Variants in SEC16A observed in about 807,000 individuals in gnomAD.
SEC16A encodes protein transport protein Sec16A.
In SEC16A, 110 loss-of-function variants were observed where a neutral mutation model predicts 221.9. That is an observed-to-expected ratio of 0.50 (90% CI 0.42 to 0.58). The LOEUF (loss-of-function observed/expected upper bound fraction) is 0.58, where lower values mean the gene tolerates loss of function less well. SEC16A is among the 20% of genes least tolerant of loss of function. SEC16A has a pLI of 0.00. For synonymous variants in SEC16A, 1,393 were observed against 1,257.7 expected (o/e 1.11, Z -2.28); for missense variants, 3,165 against 3,097.8 (o/e 1.02, Z -0.52).
At chr9:136,483,837 A>C (rs867288027), upstream of SEC16A, 1 of 979,248 alleles carries the variant, frequency 1.0e-6, no homozygotes, top group African/African-American at 1.7e-5. Flanking sequence ...GAGCTGCGGG[A>C]CGCGGAGGGC....
upstream of SEC16A, chr9:136,484,519 C>T (rs1000051242): frequency 1.6e-6 from 2 of 1,268,016 alleles, no homozygotes; most frequent in Admixed American, 5.0e-5. Context: ...CTCTGCTGCT[C>T]CTTCCAGAGG....
At chr9:136,482,066 C>A (rs1260789596) in intron 1 of SEC16A, among the ~76,000 whole-genome samples, 1 of 152,162 alleles carries the variant, frequency 6.6e-6, no homozygotes, top group Admixed American at 6.5e-5. Flanking sequence ...CTGTAGTAAC[C>A]ACTATTAACA....
Position 136,483,006 on chromosome 9 carries a change from G to C in SEC16A, c.-260C>G, listed in dbSNP as rs1437785167. On this transcript the variant is annotated 5_prime_UTR_variant, in exon 1 of 32. Coordinates refer to ENST00000684901, the MANE Select transcript of SEC16A (RefSeq NM_014866.2). ...CCACCCGACGCTGGCGACGAGCACA[G>C]ACACCTCAGCCGCCGCAGCCATCTT... The C allele has an allele frequency of 1.0e-6, 1 of 985,306 alleles. No homozygotes were observed. The highest frequency in any genetic ancestry group is 1.2e-6 in the Non-Finnish European group (1 of 829,884). 61.0% of individuals were successfully genotyped at this position (985,306 alleles called of 1,614,324 possible). A position where few individuals can be genotyped will look rare whatever the true frequency, so the allele number is the denominator to read the frequency against.
chr9:136,464,439 AC>A lies in SEC16A; in HGVS notation c.4426del (p.Val1476TrpfsTer45). ...NLPSEGQPAL[V>X]EVHSMEALLQ... Reference sequence around the variant, plus strand: ...CATTACCTCCATGCTGTGGACCTCCACCAAGGCCGGCTGTCCTTCTGAAGGC... The same window carrying A: ...CATTACCTCCATGCTGTGGACCTCCACAAGGCCGGCTGTCCTTCTGAAGGC... On this transcript the variant is annotated frameshift_variant, in exon 9 of 32. Transcript: ENST00000684901. LOFTEE classifies it high-confidence loss of function. The A allele has an allele frequency of 1.2e-6, 2 of 1,611,450 alleles. No individual in the cohort carries two copies. The highest frequency in any genetic ancestry group is 1.7e-6 in the Non-Finnish European group (2 of 1,177,724).
rs767436508 is a variant in SEC16A, at chr9:136,475,110, T to C, written c.2506A>G (p.Ser836Gly). ...TTAATGGGCTGAGCCAGATTATAGCTGTGATCAGGCTGAGCAATCAAGACT... is the reference window on the plus strand; with the variant it reads ...TTAATGGGCTGAGCCAGATTATAGCCGTGATCAGGCTGAGCAATCAAGACT... ...PPVLIAQPDH[S>G]YNLAQPINFS... is the part of the protein sequence containing the mutation. The change falls in exon 3 of 32, where the codon AGC (serine) becomes GGC (glycine). Residue 836 changes from serine (S) to glycine (G), a missense_variant. Around this residue, in one of 3 missense-constraint regions of SEC16A, gnomAD observed 2,030 missense variants for 1,923.1 expected, o/e 1.06. Transcript: ENST00000684901. This position sits in a 1 kb window ranked among gnomAD's most constrained non-coding sequence, Gnocchi z 5.0. 61 of 1,613,782 alleles carry C rather than the reference T, an allele frequency of 3.8e-5. No individual in the cohort carries two copies. In the Middle Eastern group the frequency reaches 8.2e-4, roughly 22 times the overall value.
At chr9:136,456,248 G>T in intron 18 of SEC16A, 82 bp from the exon 19 acceptor site, 2 of 994,138 alleles carry the variant, frequency 2.0e-6, no homozygotes, top group Non-Finnish European at 3.2e-6. Flanking sequence ...GGGCAATGCA[G>T]CTTCAGTGTT....
chr9:136,447,484 C>T lies in SEC16A; in HGVS notation c.6559+85G>A. ...AGGGACGTGCGGGAAGCCACCTCCT[C>T]CCCACGCACAACAGCTACACATTGG... is the stretch of plus-strand genomic sequence containing the variant. On this transcript the variant is annotated intron_variant, in intron 26 of 31. Transcript: ENST00000684901. This position sits in a 1 kb window ranked among gnomAD's most constrained non-coding sequence, Gnocchi z 5.5. 6.5e-7 allele frequency: 1 copy of T among 1,537,164 alleles called. No individual in the cohort carries two copies. The highest frequency in any genetic ancestry group is 8.9e-7 in the Non-Finnish European group (1 of 1,121,728).
chr9:136,479,103 T>C (rs1374610400), intron 1 of SEC16A, among the ~76,000 whole-genome samples: 2 of 152,136 alleles, frequency 1.3e-5, no homozygotes, highest in East Asian at 1.9e-4. Flanking sequence ...ACAGGCAGAA[T>C]TGCCAAGAAA....
intron 1 of SEC16A, among the ~76,000 whole-genome samples, chr9:136,481,407 G>A (rs1444193757): frequency 1.3e-5 from 2 of 152,094 alleles, no homozygotes; most frequent in Admixed American, 1.3e-4. Context: ...CAGAGTGCTG[G>A]GATTACAGGC....
intron 4 of SEC16A, among the ~76,000 whole-genome samples, chr9:136,470,172 A>G (rs1840672779): frequency 6.6e-6 from 1 of 152,242 alleles, no homozygotes; most frequent in Admixed American, 6.5e-5. Flanking sequence ...GAAGGAGCAG[A>G]AAGGATTCCC....
chr9:136,471,023 C>T (rs571341277), intron 4 of SEC16A, among the ~76,000 whole-genome samples: 1 of 152,218 alleles, frequency 6.6e-6, no homozygotes, highest in Non-Finnish European at 1.5e-5. Flanking sequence ...CAACAACAGC[C>T]TCCTCTGCTC....
At chr9:136,458,366 C>T (rs146568308) in intron 17 of SEC16A, among the ~76,000 whole-genome samples, 1,597 of 152,238 alleles carry the variant, frequency 0.01, 22 homozygotes, top group African/African-American at 0.035. Flanking sequence ...CGGTGGCTCA[C>T]GCCTGTCATC....
Position 136,441,716 on chromosome 9 carries a change from G to A in SEC16A, c.*39C>T, listed in dbSNP as rs758959068. The A allele has an allele frequency of 1.3e-6, 2 of 1,594,242 alleles. No individual in the cohort carries two copies. Among genetic ancestry groups the A allele is most frequent in the Admixed American group, 1.7e-5 (1 of 59,974 alleles). On this transcript the variant is annotated 3_prime_UTR_variant, in exon 32 of 32. Transcript: ENST00000684901. ...GTCGGGTTCTTCGGGGAGAACAGCA[G>A]CGTCAGGGCTCCAAGTGCAAGTTCA...
At position 136,441,789 on chromosome 9, in the gene SEC16A, C is replaced by T; in HGVS notation, c.7040G>A (p.Arg2347Lys). ...CACCAGGTGCTTCCTCTGGCCAATCCTCCCTAGCCTTGAGCTCCCGGAGGT... is the reference window on the plus strand; with the variant it reads ...CACCAGGTGCTTCCTCTGGCCAATCTTCCCTAGCCTTGAGCTCCCGGAGGT... ...CATSGSSRLGRIGQRKHLVLN is the reference protein window; with the variant it reads ...CATSGSSRLGKIGQRKHLVLN The change falls in exon 32 of 32, where the codon AGG (arginine) becomes AAG (lysine). Residue 2347 changes from arginine (R) to lysine (K), a missense_variant. Arg to Lys is a conservative substitution (Grantham distance 26, BLOSUM62 2). This residue lies in a region of SEC16A where 1,088 missense variants were observed against 1,089.6 expected (regional missense o/e 1.00). Coordinates refer to ENST00000684901, the MANE Select transcript of SEC16A (RefSeq NM_014866.2). 1 of 1,613,434 alleles carries T rather than the reference C, an allele frequency of 6.2e-7. No homozygotes were observed. Among genetic ancestry groups the T allele is most frequent in the Non-Finnish European group, 8.5e-7 (1 of 1,179,838 alleles).
chr9:136,445,618 G>A lies in SEC16A; in HGVS notation c.6867+27C>T, dbSNP rs775893444. 5 of 1,527,764 alleles carry A rather than the reference G, an allele frequency of 3.3e-6. No individual in the cohort carries two copies. The East Asian group carries it at 7.4e-5, about 22-fold the overall frequency. 94.6% of individuals were successfully genotyped at this position (1,527,764 alleles called of 1,614,324 possible). On this transcript the variant is annotated intron_variant, in intron 29 of 31. Transcript: ENST00000684901. ...AGCTGCTGGGGAGGCCTGGGCTGCG[G>A]GGGGCCCTGGCGTCGGCACTCCTTA...
Position 136,471,993 on chromosome 9 carries a change from G to C in SEC16A, c.3686C>G (p.Ser1229Trp), listed in dbSNP as rs373370709. The part of the protein sequence containing the change: ...ERPSSRASHS[S>W]ERPPPRQGYP... ...GCCGCACCTGGGAGGTGGCCGTTCC[G>C]AGGAGTGGCTGGCTCGGGAGCTGGG... The change falls in exon 4 of 32, where the codon TCG becomes TGG. Residue 1229 changes from serine to tryptophan, a missense_variant. Physicochemically the swap from Ser to Trp is radical, Grantham distance 177. Transcript: ENST00000684901. 1 of 1,612,308 alleles carries C rather than the reference G, an allele frequency of 6.2e-7. No individual in the cohort carries two copies. The highest frequency in any genetic ancestry group is 8.5e-7 in the Non-Finnish European group (1 of 1,179,854).
intron 3 of SEC16A, among the ~76,000 whole-genome samples, chr9:136,473,549 C>T (rs1167399417): frequency 1.3e-5 from 2 of 152,270 alleles, no homozygotes; most frequent in Non-Finnish European, 2.9e-5. Context: ...CGGGACTCCG[C>T]CTCGCTTAGC....
At chr9:136,457,145 A>G (rs1041642110) in intron 18 of SEC16A, among the ~76,000 whole-genome samples, 3 of 152,242 alleles carry the variant, frequency 2.0e-5, no homozygotes, top group Non-Finnish European at 4.4e-5. Flanking sequence ...ACTGCACTCC[A>G]GCCTGGGTGA....
Position 136,474,931 on chromosome 9 carries a change from G to T in SEC16A, c.2685C>A (p.Ser895Arg). 6.2e-7 allele frequency: 1 copy of T among 1,613,852 alleles called. No individual in the cohort carries two copies. Among genetic ancestry groups the T allele is most frequent in the Non-Finnish European group, 8.5e-7 (1 of 1,179,888 alleles). The part of the protein sequence containing the change: ...LSGIPTSSVL[S>R]LSLPSSVAQS... Reference sequence around the variant, plus strand: ...GGGCAACACTGCTAGGCAGAGACAAGCTAAGGACAGAGCTGGTTGGAATCC... The same window carrying T: ...GGGCAACACTGCTAGGCAGAGACAATCTAAGGACAGAGCTGGTTGGAATCC... Residue 895 changes from serine to arginine, a missense_variant, in exon 3 of 32, where the codon AGC becomes AGA. This residue lies in a region of SEC16A where 2,030 missense variants were observed against 1,923.1 expected (regional missense o/e 1.06). Transcript: ENST00000684901.
Sources: allele counts gnomAD v4.1 joint callset (sites outside exome capture counted in the v4.1 genomes callset), GRCh38; gene constraint gnomAD v4.1.1; regional missense constraint gnomAD v4.1.1; non-coding constraint Gnocchi (gnomAD v3.1); transcripts MANE v1.5; gene names NCBI Gene and HGNC (gene_info 2026-07-23, HGNC 2026-07-21).